PTPN3: variants seen among roughly 807,000 people sequenced by gnomAD.
PTPN3 encodes protein tyrosine phosphatase non-receptor type 3.
PTPN3 carries 96 observed loss-of-function variants against 132.7 expected under a neutral mutation model. The observed-to-expected ratio is 0.72, with a 90% CI of 0.61 to 0.86. PTPN3 has a LOEUF of 0.86. Among genes scored for constraint, PTPN3 ranks in the 40% least tolerant of loss-of-function variants. The pLI, the probability that PTPN3 is intolerant of heterozygous loss-of-function variation, is 0.00. For synonymous variants in PTPN3, 398 were observed against 429.0 expected, an observed-to-expected ratio of 0.93 and a Z score of 0.89; for missense variants, 1,125 against 1,159.6, an observed-to-expected ratio of 0.97 and a Z score of 0.43.
In PTPN3 at chr9:109,472,958, T is replaced by C. The variant is rs377712412; in HGVS notation, c.-17-9507A>G. 9.8e-5 allele frequency among the ~76,000 whole-genome samples: 15 copies of C among 152,350 alleles called. No homozygotes were observed. The East Asian group carries it at 2.5e-3, about 25-fold the overall frequency. Reference sequence around the variant, plus strand: ...AAACATTAATTTTTAAATAACATTTTTAAAGCATAAAGTCTGCTAATGAAT... The same window carrying C: ...AAACATTAATTTTTAAATAACATTTCTAAAGCATAAAGTCTGCTAATGAAT... On this transcript the variant is annotated intron_variant, in intron 1 of 25. Coordinates refer to ENST00000374541, the MANE Select transcript of PTPN3 (RefSeq NM_002829.4).
chr9:109,414,237 C>CTCA (rs1053237040), intron 14 of PTPN3, among the ~76,000 whole-genome samples: 77 of 152,376 alleles, frequency 5.1e-4, no homozygotes, highest in African/African-American at 1.8e-3. Flanking sequence ...TTAAATGGTT[C>CTCA]TCATCTGCAA....
intron 10 of PTPN3, among the ~76,000 whole-genome samples, chr9:109,431,175 G>A (rs1382533676): frequency 6.6e-6 from 1 of 152,214 alleles, no homozygotes; most frequent in African/African-American, 2.4e-5. Context: ...CTGTGGGTGA[G>A]CCTGGGGGTT....
chr9:109,408,796 A>ATATATATATATATATATAT (rs1554783378), intron 16 of PTPN3, among the ~76,000 whole-genome samples: 37 of 108,320 alleles, frequency 3.4e-4, no homozygotes, highest in African/African-American at 1.3e-3. Context: ...AAAAAAAAAA[A>ATATATATATATATATATAT]ATATATATAT....
intron 19 of PTPN3, chr9:109,392,785 G>C (rs933784602): frequency 6.6e-6 from 1 of 152,090 alleles, no homozygotes; most frequent in Non-Finnish European, 1.5e-5. Flanking sequence ...TGTATTTTTA[G>C]TAGAGACAGG....
At position 109,428,751 on chromosome 9, in the gene PTPN3, C is replaced by G. The variant is rs1183411215; in HGVS notation, c.765-67G>C. ...ATCGGCCAGGTTGAAGCTGATGCCT[C>G]TCAATGCATGTCCTTTACTCCATGA... On this transcript the variant is annotated intron_variant, in intron 10 of 25. Coordinates refer to ENST00000374541, the MANE Select transcript of PTPN3 (RefSeq NM_002829.4). 38 of 1,551,766 alleles carry G rather than the reference C, an allele frequency of 2.4e-5. No homozygotes were observed. The East Asian group carries it at 8.6e-4, about 35-fold the overall frequency.
In PTPN3 at chr9:109,436,898, T is replaced by C. The variant is rs1194689279; in HGVS notation, c.660A>G (p.Glu220=). 6.2e-7 allele frequency: 1 copy of C among 1,614,008 alleles called. No individual in the cohort carries two copies. The highest frequency in any genetic ancestry group is 8.5e-7 in the Non-Finnish European group (1 of 1,179,994). The change falls in exon 9 of 26, where the codon GAA becomes GAG. Residue 220 remains glutamate (E), a synonymous_variant. Coordinates refer to ENST00000374541, the MANE Select transcript of PTPN3 (RefSeq NM_002829.4). The part of the protein sequence containing the change: ...IARTLDFYGV[E]LHSGRDLHNL... ...GAATACATACCCTACCACTGTGCAG[T>C]TCTACTCCATAGAAGTCGAGGGTCC...
At chr9:109,525,661 T>A in the PTPN3 span, among the ~76,000 whole-genome samples, 79,876 of 152,076 alleles carry the variant, frequency 0.53, 21,942 homozygotes, top group East Asian at 0.85. Context: ...CTGACCTATA[T>A]TCTGCAGCCT....
At chr9:109,381,146 C>T (rs1452417792) in intron 25 of PTPN3, among the ~76,000 whole-genome samples, 1 of 152,210 alleles carries the variant, frequency 6.6e-6, no homozygotes, top group African/African-American at 2.4e-5. Flanking sequence ...TCTTTCCACA[C>T]CGCTTCACTG....
At chr9:109,427,162 T>C (rs756417950) in intron 11 of PTPN3, 40 bp from the exon 12 acceptor site, 12 of 1,600,178 alleles carry the variant, frequency 7.5e-6, no homozygotes, top group African/African-American at 6.7e-5. Flanking sequence ...CACACAGACA[T>C]AGGAGCAGGG....
At chr9:109,390,687 G>A (rs34436754) in intron 21 of PTPN3, among the ~76,000 whole-genome samples, 140 of 152,286 alleles carry the variant, frequency 9.2e-4, no homozygotes, top group Non-Finnish European at 1.8e-3. Context: ...GAGAAAATAA[G>A]TGCTTTTCCC....
At chr9:109,450,055 T>C (rs1845147321) in intron 5 of PTPN3, 6 of 984,338 alleles carry the variant, frequency 6.1e-6, no homozygotes, top group Non-Finnish European at 7.2e-6. Flanking sequence ...TTGTGTCTTA[T>C]TTTAACCTGG....
chr9:109,497,986 C>A (rs1420687691), intron 1 of PTPN3, among the ~76,000 whole-genome samples: 1 of 146,076 alleles, frequency 6.8e-6, no homozygotes, highest in South Asian at 2.1e-4. Context: ...GAGCCCCACC[C>A]GGCGCCCCGC....
intron 2 of PTPN3, among the ~76,000 whole-genome samples, chr9:109,460,228 T>C (rs1045193618): frequency 2.6e-5 from 4 of 152,190 alleles, no homozygotes; most frequent in Non-Finnish European, 5.9e-5. Context: ...CCTCCTGTTC[T>C]TTCGCATTCC....
chr9:109,400,241 T>C (rs1840973394), intron 19 of PTPN3, among the ~76,000 whole-genome samples: 1 of 152,218 alleles, frequency 6.6e-6, no homozygotes, highest in Non-Finnish European at 1.5e-5. Flanking sequence ...GACCACCTCT[T>C]AGGCAGACAT....
At chr9:109,420,669 A>C (rs1842841925) in intron 13 of PTPN3, 69 bp from the exon 14 acceptor site, 1 of 1,482,570 alleles carries the variant, frequency 6.7e-7, no homozygotes, top group South Asian at 1.3e-5. Context: ...ATTAGACACC[A>C]GTGAACCTCG....
In PTPN3 at chr9:109,410,011, T is replaced by C; in HGVS notation, c.1566A>G (p.Gly522=). ...RITPDEDGKF[G]FNLKGGVDQK... is the part of the protein sequence containing the mutation. The stretch of plus-strand genomic sequence containing the variant: ...ATACACAACATACCTTAAGATTAAA[T>C]CCAAATTTTCCATCTTCATCTGGTG... The change falls in exon 16 of 26, where the codon GGA becomes GGG. Residue 522 remains glycine, a synonymous_variant. Transcript: ENST00000374541. 1 of 1,614,176 alleles carries C rather than the reference T, an allele frequency of 6.2e-7. No homozygotes were observed.
intron 14 of PTPN3, among the ~76,000 whole-genome samples, chr9:109,412,147 G>GTCTGTC (rs750362833): frequency 2.8e-4 from 43 of 152,118 alleles, no homozygotes; most frequent in African/African-American, 9.9e-4. Flanking sequence ...TTCTCGTTCT[G>GTCTGTC]TCTGTCTCTG....
At chr9:109,533,157 A>T in the PTPN3 span, among the ~76,000 whole-genome samples, 3 of 16,050 alleles carry the variant, frequency 1.9e-4, no homozygotes, top group Admixed American at 9.9e-4. Context: ...TTTTTTTTTG[A>T]GACGGAGTCT....
intron 1 of PTPN3, among the ~76,000 whole-genome samples, chr9:109,464,554 G>C (rs1422760818): frequency 6.6e-6 from 1 of 152,096 alleles, no homozygotes; most frequent in Non-Finnish European, 1.5e-5. Context: ...GAACTTGTAA[G>C]CTAAAAAAAA....
Sources: gnomAD v4.1 joint callset for allele counts (sites outside exome capture counted in the v4.1 genomes callset) on GRCh38, gnomAD v4.1.1 for gene constraint, MANE v1.5 for transcripts, NCBI Gene and HGNC (gene_info 2026-07-23, HGNC 2026-07-21) for gene names.